The following ADD3 variants were observed in gnomAD, a reference collection of about 807,000 sequenced individuals.
ADD3 encodes the protein gamma-adducin.
Under a neutral mutation model 80.2 loss-of-function variants are expected in ADD3, and 25 were observed. The observed-to-expected ratio is 0.31, with a 90% CI of 0.23 to 0.44. The LOEUF is 0.44. Among genes scored for constraint, ADD3 ranks in the 20% least tolerant of loss-of-function variants. ADD3 has a pLI of 1.00. For missense variants in ADD3, 829 were observed against 847.5 expected (o/e 0.98, Z 0.27); for synonymous variants, 284 against 289.6 (o/e 0.98, Z 0.20).
chr10:110,100,882 C>T (rs1848736666), intron 2 of ADD3, 34 bp downstream of exon 2: 1 of 1,526,848 alleles, frequency 6.5e-7, no homozygotes, highest in African/African-American at 1.4e-5. Flanking sequence ...ATTTTTCTCC[C>T]TCTTTGGAAA....
chr10:110,133,657 A>C lies in ADD3; in HGVS notation c.*39A>C. On this transcript the variant is annotated 3_prime_UTR_variant, in exon 15 of 15. Transcript: ENST00000356080. Reference sequence around the variant, plus strand: ...ATAATTATTATTATAACAATGTGACATTGCACATCTAAATACCACATTTAA... The same window carrying C: ...ATAATTATTATTATAACAATGTGACCTTGCACATCTAAATACCACATTTAA... The C allele has an allele frequency of 6.8e-7, 1 of 1,462,550 alleles. No homozygotes were observed. Among genetic ancestry groups the C allele is most frequent in the Non-Finnish European group, 9.1e-7 (1 of 1,093,274 alleles). The allele number at this position is 1,462,550 out of a possible 1,614,324, so 90.6% of individuals were successfully genotyped here.
At chr10:110,005,477 C>T (rs1363497958), upstream of ADD3, among the ~76,000 whole-genome samples, 1 of 152,174 alleles carries the variant, frequency 6.6e-6, no homozygotes, top group African/African-American at 2.4e-5. Flanking sequence ...GAATCCATTG[C>T]TTCTAGTCAC....
chr10:110,025,406 A>T (rs1854170480), intron 1 of ADD3, among the ~76,000 whole-genome samples: 1 of 152,126 alleles, frequency 6.6e-6, no homozygotes, highest in Non-Finnish European at 1.5e-5. Context: ...GGTGGTAGCC[A>T]ACTTCTGCCT....
At chr10:110,021,967 A>T (rs368156146) in intron 1 of ADD3, among the ~76,000 whole-genome samples, 10 of 152,184 alleles carry the variant, frequency 6.6e-5, no homozygotes, top group African/African-American at 2.4e-4. Flanking sequence ...TGTGGACCTT[A>T]TTTCTAAAAC....
At chr10:110,031,881 A>G (rs927633209) in intron 1 of ADD3, among the ~76,000 whole-genome samples, 1 of 151,936 alleles carries the variant, frequency 6.6e-6, no homozygotes, top group Non-Finnish European at 1.5e-5. Flanking sequence ...AAATCAGTCT[A>G]ATTGACATAT....
At chr10:110,007,686 CA>C (rs1480108394), upstream of ADD3, among the ~76,000 whole-genome samples, 1 of 152,154 alleles carries the variant, frequency 6.6e-6, no homozygotes, top group Non-Finnish European at 1.5e-5. Flanking sequence ...TGCAGGCCCC[CA>C]CCGCTGCGGC....
intron 1 of ADD3, among the ~76,000 whole-genome samples, chr10:110,080,290 A>G (rs1206004765): frequency 6.6e-6 from 1 of 152,158 alleles, no homozygotes; most frequent in Non-Finnish European, 1.5e-5. Flanking sequence ...ATAAAATAAG[A>G]GATTGAAATA....
intron 12 of ADD3, 70 bp downstream of exon 12, chr10:110,126,573 A>C: frequency 8.9e-7 from 1 of 1,121,890 alleles, no homozygotes; most frequent in South Asian, 1.4e-5. Flanking sequence ...TTTAAATATG[A>C]ATATTTATTT....
upstream of ADD3, among the ~76,000 whole-genome samples, chr10:110,001,560 C>A (rs909152413): frequency 2.0e-5 from 3 of 152,152 alleles, no homozygotes; most frequent in Non-Finnish European, 4.4e-5. Context: ...TCACTCATGT[C>A]TGAGATTCTG....
rs113586886 is a variant in ADD3, at chr10:110,070,991, G to A, written c.-29-29634G>A. 8.6e-5 allele frequency among the ~76,000 whole-genome samples: 7 copies of A among 81,866 alleles called. No homozygotes were observed. In the East Asian group the frequency reaches 1.1e-3, roughly 13 times the overall value. 53.7% of individuals were successfully genotyped at this position (81,866 alleles called of 152,430 possible). On this transcript the variant is annotated intron_variant, in intron 1 of 14. Transcript: ENST00000356080. The stretch of plus-strand genomic sequence containing the variant: ...GTTTTTTGTTGTTTTTGGGGGGGGG[G>A]GGTGGGGAGCCAGCTTTGCCTCCTA...
At chr10:110,063,127 A>T (rs562671334) in intron 1 of ADD3, among the ~76,000 whole-genome samples, 1 of 152,242 alleles carries the variant, frequency 6.6e-6, no homozygotes, top group Non-Finnish European at 1.5e-5. Context: ...CCTAATTTAG[A>T]TTTTAAGTGT....
chr10:110,038,933 A>G (rs1018722902), intron 1 of ADD3, among the ~76,000 whole-genome samples: 1 of 152,234 alleles, frequency 6.6e-6, no homozygotes. Context: ...TATGTGTAAT[A>G]TGAAAAAGTT....
Position 110,008,040 on chromosome 10 carries a change from A to T in ADD3, c.-289A>T, listed in dbSNP as rs1337082453. 4.6e-5 allele frequency: 7 copies of T among 152,098 alleles called. No individual in the cohort carries two copies. Among genetic ancestry groups the T allele is most frequent in the East Asian group, 1.9e-4 (1 of 5,156 alleles). 9.4% of individuals were successfully genotyped at this position (152,098 alleles called of 1,614,324 possible). A position where few individuals can be genotyped will look rare whatever the true frequency, so the allele number is the denominator to read the frequency against. ...CAGTGTGAGGGGCGGGAGGGAAAGA[A>T]GAGGGGTTTAAATTAGATTTTTTAA... On this transcript the variant is annotated 5_prime_UTR_variant, in exon 1 of 15. It adds an upstream start codon to the 5' untranslated region. Transcript: ENST00000356080.
intron 1 of ADD3, among the ~76,000 whole-genome samples, chr10:110,009,068 C>G (rs1703517189): frequency 1.3e-5 from 2 of 152,136 alleles, no homozygotes; most frequent in South Asian, 2.1e-4. Context: ...TTCAGGTGAA[C>G]TTTTTTGTTG....
At chr10:110,078,863 C>T (rs889016603) in intron 1 of ADD3, among the ~76,000 whole-genome samples, 28 of 152,270 alleles carry the variant, frequency 1.8e-4, no homozygotes, top group African/African-American at 6.3e-4. Context: ...TGGAGCAAAG[C>T]TTGCCAACGA....
intron 1 of ADD3, among the ~76,000 whole-genome samples, chr10:110,053,643 A>G (rs1015254839): frequency 2.6e-5 from 4 of 152,200 alleles, no homozygotes; most frequent in African/African-American, 9.6e-5. Flanking sequence ...TTTACTAACC[A>G]TCAGTAGTCT....
At chr10:110,022,936 A>C (rs1853849843) in intron 1 of ADD3, among the ~76,000 whole-genome samples, 1 of 152,152 alleles carries the variant, frequency 6.6e-6, no homozygotes, top group African/African-American at 2.4e-5. Context: ...AGGAAGTAGG[A>C]ATAGTGAGGT....
intron 2 of ADD3, among the ~76,000 whole-genome samples, chr10:110,108,070 G>T (rs981387921): frequency 3.9e-5 from 6 of 152,096 alleles, no homozygotes; most frequent in African/African-American, 1.4e-4. Flanking sequence ...TTCTCTAGTG[G>T]AGACTCCAGG....
At chr10:110,033,833 C>T (rs1855331189) in intron 1 of ADD3, among the ~76,000 whole-genome samples, 1 of 152,106 alleles carries the variant, frequency 6.6e-6, no homozygotes, top group Non-Finnish European at 1.5e-5. Context: ...TAGTTGCCTG[C>T]AGTGTTTATT....
Sources: allele counts gnomAD v4.1 joint callset (sites outside exome capture counted in the v4.1 genomes callset), GRCh38; gene constraint gnomAD v4.1.1; transcripts MANE v1.5; gene names NCBI Gene and HGNC (gene_info 2026-07-23, HGNC 2026-07-21).